The following SKAP1 variants were observed in gnomAD, a reference collection of about 807,000 sequenced individuals.
The protein encoded by SKAP1 is src kinase associated phosphoprotein 1, also known as src kinase-associated phosphoprotein 1.
SKAP1 carries 44 observed loss-of-function variants against 58.5 expected under a neutral mutation model. That is an observed-to-expected ratio of 0.75 (90% CI 0.59 to 0.97). SKAP1 has a LOEUF of 0.97. Among genes scored for constraint, SKAP1 ranks in the 50% least tolerant of loss-of-function variants. The pLI, the probability that SKAP1 is intolerant of heterozygous loss-of-function variation, is 0.00. For synonymous variants in SKAP1, 127 were observed against 149.7 expected, an observed-to-expected ratio of 0.85 and a Z score of 1.11; for missense variants, 390 against 435.2, an observed-to-expected ratio of 0.90 and a Z score of 0.92.
Position 48,363,831 on chromosome 17 carries a change from A to G in SKAP1, c.153-17T>C, listed in dbSNP as rs753693133. On this transcript the variant is annotated splice_polypyrimidine_tract_variant and intron_variant, in intron 2 of 12. Coordinates refer to ENST00000336915, the MANE Select transcript of SKAP1 (RefSeq NM_003726.4). ...CAATAGTACCTGAAATACAAGGGGG[A>G]AAAAAAAAGGGAATAAGTCAAACTT... is the stretch of plus-strand genomic sequence containing the variant. 2.1e-5 allele frequency: 32 copies of G among 1,546,164 alleles called. No homozygotes were observed. Among genetic ancestry groups the G allele is most frequent in the African/African-American group, 9.6e-5 (7 of 72,648 alleles).
At chr17:48,223,799 G>A (rs2065031877) in intron 4 of SKAP1, among the ~76,000 whole-genome samples, 1 of 152,124 alleles carries the variant, frequency 6.6e-6, no homozygotes, top group South Asian at 2.1e-4. Context: ...ATGACTACAA[G>A]TACAAGGTAC....
rs747850299 is a variant in SKAP1 at position 48,180,068 on chromosome 17, T to C, written c.812A>G (p.Tyr271Cys). 15 of 1,592,090 alleles carry C rather than the reference T, an allele frequency of 9.4e-6. No homozygotes were observed. Among genetic ancestry groups the C allele is most frequent in the Non-Finnish European group, 1.3e-5 (15 of 1,172,020 alleles). Reference sequence around the variant, plus strand: ...AAATTTCTCACCTGGCAAGACTTCATAAATATCTTCTTCTTCTTTCTCCTC... The same window carrying C: ...AAATTTCTCACCTGGCAAGACTTCACAAATATCTTCTTCTTCTTTCTCCTC... ...PTEEKEEEDIYEVLPDEEHDL... is the reference protein window; with the variant it reads ...PTEEKEEEDICEVLPDEEHDL... The change falls in exon 9 of 13, where the codon TAT becomes TGT. Residue 271 changes from tyrosine (Y) to cysteine (C), a missense_variant. By Grantham distance (194) the Tyr-to-Cys change is radical. Coordinates refer to ENST00000336915, the MANE Select transcript of SKAP1 (RefSeq NM_003726.4).
At chr17:48,184,671 A>G (rs2064419769) in intron 7 of SKAP1, 52 bp downstream of exon 7, 2 of 1,611,980 alleles carry the variant, frequency 1.2e-6, no homozygotes, top group Non-Finnish European at 1.7e-6. Flanking sequence ...CATGCAATAC[A>G]GAAGGAAACT....
At chr17:48,382,336 T>TA (rs2067226336) in intron 2 of SKAP1, 1 of 152,186 alleles carries the variant, frequency 6.6e-6, no homozygotes, top group Non-Finnish European at 1.5e-5. Context: ...CCCTAGAACT[T>TA]AAAGTATAAT....
intron 2 of SKAP1, chr17:48,377,461 C>T (rs1428078748): frequency 6.6e-6 from 1 of 151,464 alleles, no homozygotes; most frequent in African/African-American, 2.4e-5. Flanking sequence ...ACCTGTGGTC[C>T]CAGCTACCTA....
At chr17:48,436,942 C>T in the SKAP1 span, among the ~76,000 whole-genome samples, 1 of 152,190 alleles carries the variant, frequency 6.6e-6, no homozygotes, top group Non-Finnish European at 1.5e-5. Flanking sequence ...CTATCTGATC[C>T]TCTTTCTGTC....
chr17:48,440,256 C>T, the SKAP1 span, among the ~76,000 whole-genome samples: 1 of 152,174 alleles, frequency 6.6e-6, no homozygotes, highest in African/African-American at 2.4e-5. Flanking sequence ...GCTCTGTGGT[C>T]CTGGCCCTAC....
At chr17:48,195,234 T>C (rs2064608922) in intron 4 of SKAP1, among the ~76,000 whole-genome samples, 1 of 152,228 alleles carries the variant, frequency 6.6e-6, no homozygotes, top group African/African-American at 2.4e-5. Flanking sequence ...GTTACTTTTT[T>C]GCCTTCTTCT....
chr17:48,250,463 AG>A (rs1461538020), intron 4 of SKAP1, among the ~76,000 whole-genome samples: 2 of 151,196 alleles, frequency 1.3e-5, no homozygotes, highest in Admixed American at 1.3e-4. Context: ...TTGTATTTTT[AG>A]TAGAGATGGG....
At chr17:48,171,455 C>T (rs1331839794) in intron 9 of SKAP1, among the ~76,000 whole-genome samples, 1 of 152,028 alleles carries the variant, frequency 6.6e-6, no homozygotes, top group African/African-American at 2.4e-5. Flanking sequence ...CAAACTGGCC[C>T]TCTCCTTCCC....
chr17:48,239,088 T>C (rs1021608026), intron 4 of SKAP1, among the ~76,000 whole-genome samples: 1 of 152,228 alleles, frequency 6.6e-6, no homozygotes, highest in African/African-American at 2.4e-5. Context: ...TGATTTTCTA[T>C]ATGAATCATA....
At chr17:48,263,662 GA>G (rs1027698726) in intron 4 of SKAP1, among the ~76,000 whole-genome samples, 5 of 152,080 alleles carry the variant, frequency 3.3e-5, no homozygotes, top group Non-Finnish European at 7.4e-5. Flanking sequence ...TTGCTATGGA[GA>G]AAATATGTCC....
At chr17:48,258,114 G>A (rs953651148) in intron 4 of SKAP1, among the ~76,000 whole-genome samples, 1 of 152,090 alleles carries the variant, frequency 6.6e-6, no homozygotes, top group African/African-American at 2.4e-5. Context: ...GCCAGTTAAA[G>A]TGATGCTCTT....
chr17:48,170,631 C>G lies in SKAP1; in HGVS notation c.855G>C (p.Glu285Asp), dbSNP rs573126940. 6 of 1,613,868 alleles carry G rather than the reference C, an allele frequency of 3.7e-6. No homozygotes were observed. The highest frequency in any genetic ancestry group is 3.3e-5 in the Admixed American group (2 of 60,008). The change falls in exon 10 of 13, where the codon GAG becomes GAC. Residue 285 changes from glutamate to aspartate, a missense_variant. Physicochemically the swap from Glu to Asp is conservative, Grantham distance 45. Transcript: ENST00000336915. The part of the protein sequence containing the change: ...PDEEHDLEED[E>D]SGTRRKGVDY... Reference sequence around the variant, plus strand: ...TACCTCCTTTTCGTCGAGTGCCACTCTCATCCTCTTCTAGATCATGCTCTT... The same window carrying G: ...TACCTCCTTTTCGTCGAGTGCCACTGTCATCCTCTTCTAGATCATGCTCTT...
chr17:48,325,676 TCAGA>T (rs1223036322), intron 4 of SKAP1, among the ~76,000 whole-genome samples: 1 of 152,214 alleles, frequency 6.6e-6, no homozygotes. Context: ...GTATCTAATG[TCAGA>T]CAGTTAGTTT....
intron 10 of SKAP1, among the ~76,000 whole-genome samples, chr17:48,164,849 G>C (rs1038511678): frequency 1.2e-4 from 18 of 152,236 alleles, no homozygotes; most frequent in African/African-American, 4.3e-4. Flanking sequence ...TAATTCCTTA[G>C]CTGGGCAAGG....
intron 2 of SKAP1, among the ~76,000 whole-genome samples, chr17:48,372,907 C>A (rs1281218650): frequency 1.3e-5 from 2 of 152,138 alleles, no homozygotes; most frequent in African/African-American, 4.8e-5. Flanking sequence ...TTTGGCCTCC[C>A]CAAAGCACTG....
chr17:48,414,811 G>C (rs1468539145), intron 1 of SKAP1, among the ~76,000 whole-genome samples: 1 of 152,150 alleles, frequency 6.6e-6, no homozygotes, highest in East Asian at 1.9e-4. Context: ...TTCTGAGTTG[G>C]CAAGATGCAC....
intron 11 of SKAP1, among the ~76,000 whole-genome samples, chr17:48,159,570 G>A (rs1328679024): frequency 6.6e-6 from 1 of 152,214 alleles, no homozygotes; most frequent in Non-Finnish European, 1.5e-5. Context: ...CAGCTGCAGA[G>A]TGTAACGGAC....
Sources: gnomAD v4.1 joint callset for allele counts (sites outside exome capture counted in the v4.1 genomes callset) on GRCh38, gnomAD v4.1.1 for gene constraint, MANE v1.5 for transcripts, NCBI Gene and HGNC (gene_info 2026-07-23, HGNC 2026-07-21) for gene names.